JAZF1: variants seen among roughly 807,000 people sequenced by gnomAD.
JAZF1 encodes juxtaposed with another zinc finger protein 1.
JAZF1 carries 8 observed loss-of-function variants against 26.4 expected under a neutral mutation model. The observed-to-expected ratio is 0.30, with a 90% CI of 0.18 to 0.55. The LOEUF is 0.55. JAZF1 is among the 20% of genes least tolerant of loss of function. The probability of loss-of-function intolerance (pLI) is 0.94; values close to 1 mark genes in which losing one functional copy is unlikely to be tolerated. For missense variants in JAZF1, 199 were observed against 322.0 expected, an observed-to-expected ratio of 0.62 and a Z score of 2.92; for synonymous variants, 126 against 122.3, an observed-to-expected ratio of 1.03 and a Z score of -0.20.
At chr7:27,899,441 T>C (rs1784128230) in intron 2 of JAZF1, among the ~76,000 whole-genome samples, 1 of 152,100 alleles carries the variant, frequency 6.6e-6, no homozygotes, top group Admixed American at 6.5e-5. Context: ...ACGGCTGATG[T>C]GGATATTTTT....
intron 1 of JAZF1, among the ~76,000 whole-genome samples, chr7:27,995,254 T>G (rs1258962098): frequency 2.6e-5 from 4 of 152,142 alleles, no homozygotes; most frequent in African/African-American, 4.8e-5. Context: ...AGAGATACAA[T>G]CCACCTCAGC....
At chr7:27,967,886 A>G (rs1785305686) in intron 2 of JAZF1, among the ~76,000 whole-genome samples, 1 of 152,240 alleles carries the variant, frequency 6.6e-6, no homozygotes, top group Admixed American at 6.5e-5. Context: ...TGGTCCCACC[A>G]TTTTATTTTT....
intron 2 of JAZF1, among the ~76,000 whole-genome samples, chr7:27,937,710 G>A (rs554644390): frequency 1.2e-4 from 18 of 152,098 alleles, no homozygotes; most frequent in Non-Finnish European, 2.1e-4. Context: ...CTATGAAAAA[G>A]CTTTATATTC....
intron 2 of JAZF1, among the ~76,000 whole-genome samples, chr7:27,900,611 A>T (rs1583454804): frequency 6.6e-6 from 1 of 152,216 alleles, no homozygotes; most frequent in East Asian, 1.9e-4. Flanking sequence ...ATTATTTTTT[A>T]ATGTGGGGAA....
chr7:28,152,052 C>T (rs1249201311), intron 1 of JAZF1, among the ~76,000 whole-genome samples: 1 of 152,130 alleles, frequency 6.6e-6, no homozygotes, highest in Non-Finnish European at 1.5e-5. Flanking sequence ...TACGTAGTTT[C>T]GTCCTCACAT....
chr7:28,066,643 A>G (rs562216605), intron 1 of JAZF1, among the ~76,000 whole-genome samples: 2 of 151,658 alleles, frequency 1.3e-5, no homozygotes, highest in South Asian at 4.2e-4. Context: ...AGCATTAACA[A>G]CAAAAGGTGG....
chr7:28,059,689 GGTCT>G, intron 1 of JAZF1, among the ~76,000 whole-genome samples: 1 of 152,022 alleles, frequency 6.6e-6, no homozygotes, highest in South Asian at 2.1e-4. Context: ...CTCTTTCCCT[GGTCT>G]GAAAATTGCT....
At chr7:28,126,827 G>A (rs1782704108) in intron 1 of JAZF1, among the ~76,000 whole-genome samples, 1 of 152,106 alleles carries the variant, frequency 6.6e-6, no homozygotes, top group Non-Finnish European at 1.5e-5. Flanking sequence ...GGAGGAGAGA[G>A]GAAGAGAAGA....
At chr7:28,098,869 C>A (rs1784425312) in intron 1 of JAZF1, among the ~76,000 whole-genome samples, 1 of 152,218 alleles carries the variant, frequency 6.6e-6, no homozygotes, top group Non-Finnish European at 1.5e-5. Context: ...TCCAGTGCAA[C>A]AAGAAAGTCC....
At chr7:27,982,447 G>A (rs1583491850) in intron 2 of JAZF1, among the ~76,000 whole-genome samples, 2 of 152,334 alleles carry the variant, frequency 1.3e-5, no homozygotes, top group Non-Finnish European at 2.9e-5. Flanking sequence ...AAACAAAATG[G>A]CTAGGAAGCT....
rs558278309 is a variant in JAZF1, at chr7:27,919,833, AT to A, written c.189-24418del. Among the ~76,000 whole-genome samples the A allele has an allele frequency of 3.3e-5, 5 of 152,320 alleles. No individual in the cohort carries two copies. The South Asian group carries it at 1.0e-3, about 32-fold the overall frequency. The stretch of plus-strand genomic sequence containing the variant: ...AGTACTAGCTGGGAACTGGCTCTAA[AT>A]CTAAATATCACTAATGACAATGTAT... On this transcript the variant is annotated intron_variant, in intron 2 of 4. Coordinates refer to ENST00000283928, the MANE Select transcript of JAZF1 (RefSeq NM_175061.4).
intron 1 of JAZF1, among the ~76,000 whole-genome samples, chr7:27,999,554 A>C (rs1255903701): frequency 1.3e-5 from 2 of 152,218 alleles, no homozygotes; most frequent in Admixed American, 6.5e-5. Flanking sequence ...TGTTTGCCCA[A>C]GGAAATCCTA....
intron 1 of JAZF1, among the ~76,000 whole-genome samples, chr7:28,006,827 T>C (rs1428971160): frequency 1.3e-5 from 2 of 152,262 alleles, no homozygotes; most frequent in Non-Finnish European, 2.9e-5. Context: ...CAATGCTCTC[T>C]AATTAAATTG....
Position 27,895,237 on chromosome 7 carries a change from C to T in JAZF1, c.368G>A (p.Arg123His), listed in dbSNP as rs1204368248. ...CCACTCACCTGTCGGAGTGCTGCTG[C>T]GGAATGAAGAGGAGGGGGTGATGGG... Reference protein sequence around the residue: ...TPPITPSSSFRSSTPTGSEYD... With the variant: ...TPPITPSSSFHSSTPTGSEYD... The change falls in exon 3 of 5, where the codon CGC (arginine) becomes CAC (histidine). Residue 123 changes from arginine (R) to histidine (H), a missense_variant. Transcript: ENST00000283928. 6 of 1,600,706 alleles carry T rather than the reference C, an allele frequency of 3.7e-6. No individual in the cohort carries two copies. Among genetic ancestry groups the T allele is most frequent in the Non-Finnish European group, 5.1e-6 (6 of 1,173,734 alleles).
chr7:27,992,057 A>T (rs1458599162), intron 1 of JAZF1, 76 bp from the exon 2 acceptor site: 1 of 865,352 alleles, frequency 1.2e-6, no homozygotes, highest in South Asian at 1.3e-5. Flanking sequence ...ACAAAGTAAC[A>T]GAGGCTAAGC....
intron 3 of JAZF1, among the ~76,000 whole-genome samples, chr7:27,875,818 T>C (rs751692026): frequency 6.6e-6 from 1 of 152,242 alleles, no homozygotes; most frequent in Non-Finnish European, 1.5e-5. Context: ...TTGTTCAGTA[T>C]ATTAACCAGA....
intron 2 of JAZF1, among the ~76,000 whole-genome samples, chr7:27,968,675 AT>A (rs1267473186): frequency 1.3e-5 from 2 of 152,350 alleles, no homozygotes; most frequent in African/African-American, 4.8e-5. Context: ...TATTAAAAGC[AT>A]TCTGGCTTTG....
chr7:27,848,481 A>G (rs1783073431), intron 3 of JAZF1, among the ~76,000 whole-genome samples: 1 of 152,216 alleles, frequency 6.6e-6, no homozygotes, highest in Admixed American at 6.5e-5. Flanking sequence ...TGATGAAACC[A>G]TTCTCTATCA....
At chr7:28,000,598 TTTTCTTTCTTTC>T (rs149120555) in intron 1 of JAZF1, among the ~76,000 whole-genome samples, 33 of 125,972 alleles carry the variant, frequency 2.6e-4, no homozygotes, top group African/African-American at 5.6e-4. Context: ...CCTATTTTCT[TTTTCTTTCTTTC>T]TTTCTTTCTT....
Sources: gnomAD v4.1 joint callset for allele counts (sites outside exome capture counted in the v4.1 genomes callset) on GRCh38, gnomAD v4.1.1 for gene constraint, MANE v1.5 for transcripts, NCBI Gene and HGNC (gene_info 2026-07-23, HGNC 2026-07-21) for gene names.